LMO7: variants seen among roughly 807,000 people sequenced by gnomAD.
The protein encoded by LMO7 is LIM domain 7.
A neutral mutation model predicts 206.5 loss-of-function variants in LMO7; 120 were observed. That is an observed-to-expected ratio of 0.58 (90% CI 0.50 to 0.68). The LOEUF (loss-of-function observed/expected upper bound fraction) is 0.68, where lower values mean the gene tolerates loss of function less well. Ranked by LOEUF, LMO7 falls within the 30% of genes least tolerant of loss-of-function variation. The pLI, the probability that LMO7 is intolerant of heterozygous loss-of-function variation, is 0.00. For missense variants in LMO7, 1,959 were observed against 1,957.9 expected, an observed-to-expected ratio of 1.00 and a Z score of -0.01; for synonymous variants, 706 against 681.5, an observed-to-expected ratio of 1.04 and a Z score of -0.56.
At chr13:75,655,320 T>C (rs1029094358) in intron 1 of LMO7, among the ~76,000 whole-genome samples, 17 of 152,208 alleles carry the variant, frequency 1.1e-4, no homozygotes, top group Non-Finnish European at 2.2e-4. Context: ...ATTTCCAGCA[T>C]TGTAGATGAA....
chr13:75,791,163 C>T (rs2053233912), intron 4 of LMO7, among the ~76,000 whole-genome samples: 1 of 152,026 alleles, frequency 6.6e-6, no homozygotes, highest in African/African-American at 2.4e-5. Context: ...GAAGCTTTTT[C>T]ATCACATAGG....
chr13:75,754,423 C>CG (rs2047512883), intron 3 of LMO7, among the ~76,000 whole-genome samples: 1 of 152,096 alleles, frequency 6.6e-6, no homozygotes, highest in South Asian at 2.1e-4. Flanking sequence ...GACATCAGAA[C>CG]GGTTTGTACC....
At chr13:75,806,270 G>C (rs1179388574) in intron 9 of LMO7, 1 of 988,574 alleles carries the variant, frequency 1.0e-6, no homozygotes. Context: ...AGGTGCCCCT[G>C]TCTGCATGAG....
At chr13:75,777,847 G>A (rs1011422399) in intron 4 of LMO7, among the ~76,000 whole-genome samples, 11 of 151,732 alleles carry the variant, frequency 7.2e-5, no homozygotes, top group Non-Finnish European at 1.3e-4. Flanking sequence ...GGGTTTCACC[G>A]TGTTAGCCAG....
At chr13:75,806,032 CCTT>C (rs2055418327) in intron 9 of LMO7, 1 of 1,192,020 alleles carries the variant, frequency 8.4e-7, no homozygotes, top group Non-Finnish European at 1.0e-6. Context: ...TTCCCTCTTC[CCTT>C]CTTTTCTTCA....
intron 1 of LMO7, among the ~76,000 whole-genome samples, chr13:75,694,301 G>A (rs749663629): frequency 2.6e-5 from 4 of 152,188 alleles, no homozygotes; most frequent in Non-Finnish European, 5.9e-5. Context: ...TGTTAAGATG[G>A]AGAAATGAAG....
chr13:75,685,523 A>G (rs2040895076), intron 1 of LMO7, among the ~76,000 whole-genome samples: 1 of 152,198 alleles, frequency 6.6e-6, no homozygotes, highest in South Asian at 2.1e-4. Context: ...GGCCTTGTCA[A>G]CAGGGGGAAG....
chr13:75,853,042 T>G (rs754323128), intron 27 of LMO7, 50 bp from the exon 28 acceptor site: 6 of 1,403,154 alleles, frequency 4.3e-6, no homozygotes, highest in Admixed American at 4.5e-5. Context: ...TTAAATAGAT[T>G]TCTAGTTGAA....
intron 12 of LMO7, among the ~76,000 whole-genome samples, chr13:75,818,513 C>T (rs2057274367): frequency 6.6e-6 from 1 of 151,790 alleles, no homozygotes; most frequent in Non-Finnish European, 1.5e-5. Flanking sequence ...ATGTCTTAAC[C>T]CCCTGGGTGT....
Position 75,841,646 on chromosome 13 carries a change from T to C in LMO7, c.3694T>C (p.Ser1232Pro), listed in dbSNP as rs763491008. 1.2e-6 allele frequency: 2 copies of C among 1,612,550 alleles called. No homozygotes were observed. The highest frequency in any genetic ancestry group is 2.7e-5 in the African/African-American group (2 of 74,762). The change falls in exon 24 of 31, where the codon TCA becomes CCA. Residue 1232 changes from serine to proline, a missense_variant. Physicochemically the swap from Ser to Pro is moderately conservative, Grantham distance 74. Coordinates refer to ENST00000377534, the MANE Select transcript of LMO7 (RefSeq NM_001306080.2). ...YLDEELMVLS[S>P]NSMSLTTREP... ...CACCTAGGAACTGATGGTCCTAAGC[T>C]CAAACAGCATGTCTCTGACCACACG...
chr13:75,663,641 A>G (rs1341524668), intron 1 of LMO7, among the ~76,000 whole-genome samples: 3 of 151,940 alleles, frequency 2.0e-5, no homozygotes, highest in African/African-American at 4.8e-5. Flanking sequence ...AATGTTAGCC[A>G]GGATGGTCTC....
At chr13:75,823,382 A>G (rs1418935607) in intron 14 of LMO7, among the ~76,000 whole-genome samples, 183 bp from the exon 15 acceptor site, 1 of 152,176 alleles carries the variant, frequency 6.6e-6, no homozygotes, top group East Asian at 1.9e-4. Context: ...TGCTAAAACA[A>G]TTTTCCCTCA....
intron 1 of LMO7, among the ~76,000 whole-genome samples, chr13:75,703,500 T>C (rs1189394828): frequency 6.6e-6 from 1 of 152,230 alleles, no homozygotes; most frequent in Non-Finnish European, 1.5e-5. Context: ...AACCTTGTTG[T>C]AGCTCAATTT....
At chr13:75,753,782 T>A (rs764403003) in intron 3 of LMO7, among the ~76,000 whole-genome samples, 4 of 152,216 alleles carry the variant, frequency 2.6e-5, no homozygotes, top group Non-Finnish European at 5.9e-5. Flanking sequence ...TGTGGAACTG[T>A]GAGTCAATTA....
chr13:75,726,523 T>G (rs1358421430), intron 2 of LMO7, among the ~76,000 whole-genome samples: 1 of 152,026 alleles, frequency 6.6e-6, no homozygotes, highest in Non-Finnish European at 1.5e-5. Flanking sequence ...TGGACTTGAA[T>G]GAGTTACCAA....
chr13:75,635,510 CCT>C (rs1215234532), upstream of LMO7, among the ~76,000 whole-genome samples: 5 of 152,220 alleles, frequency 3.3e-5, no homozygotes, highest in African/African-American at 9.6e-5. Flanking sequence ...CTCGCTGTCC[CCT>C]GAGTGTCCTC....
At chr13:75,713,299 T>C (rs752642172) in intron 2 of LMO7, 47 bp downstream of exon 2, 2 of 1,286,236 alleles carry the variant, frequency 1.6e-6, no homozygotes, top group Middle Eastern at 1.8e-4. Flanking sequence ...CAAAGATATG[T>C]GTGTGTGTGA....
chr13:75,775,540 A>T (rs1393751339), intron 4 of LMO7, among the ~76,000 whole-genome samples: 3 of 152,136 alleles, frequency 2.0e-5, no homozygotes, highest in African/African-American at 7.2e-5. Context: ...TATAATCTAA[A>T]AAATGGGAGA....
At chr13:75,793,001 CTG>C (rs1416131557) in intron 4 of LMO7, among the ~76,000 whole-genome samples, 3 of 152,080 alleles carry the variant, frequency 2.0e-5, no homozygotes. Flanking sequence ...TTTTTGAGGA[CTG>C]TGGAAATGAG....
Sources: allele counts gnomAD v4.1 joint callset (sites outside exome capture counted in the v4.1 genomes callset), GRCh38; gene constraint gnomAD v4.1.1; transcripts MANE v1.5; gene names NCBI Gene and HGNC (gene_info 2026-07-23, HGNC 2026-07-21).